Variants in STARD13 observed in about 807,000 individuals in gnomAD.
The protein encoded by STARD13 is stAR-related lipid transfer protein 13.
Under a neutral mutation model 106.4 loss-of-function variants are expected in STARD13, and 62 were observed. The observed-to-expected ratio is 0.58, with a 90% CI of 0.48 to 0.72. The LOEUF is 0.72. STARD13 is among the 30% of genes least tolerant of loss of function. The pLI is 0.00. For missense variants in STARD13, 1,387 were observed against 1,424.0 expected (o/e 0.97, Z 0.42); for synonymous variants, 565 against 553.0 (o/e 1.02, Z -0.31).
the STARD13 span, among the ~76,000 whole-genome samples, chr13:33,544,012 A>G: frequency 0.015 from 2,214 of 152,352 alleles, 46 homozygotes; most frequent in African/African-American, 0.049. Context: ...TAAAGCAACC[A>G]GTTCATAGAA....
intron 1 of STARD13, among the ~76,000 whole-genome samples, chr13:33,215,931 T>C (rs1486118604): frequency 6.6e-6 from 1 of 152,084 alleles, no homozygotes; most frequent in Non-Finnish European, 1.5e-5. Flanking sequence ...CAAAAGAAGA[T>C]ATACAAATGG....
At chr13:33,193,588 G>A (rs111810246) in intron 1 of STARD13, among the ~76,000 whole-genome samples, 2 of 152,136 alleles carry the variant, frequency 1.3e-5, no homozygotes, top group African/African-American at 2.4e-5. Context: ...CAAACCAGTC[G>A]GAAAGCGTGA....
At chr13:33,395,204 TTC>T in the STARD13 span, among the ~76,000 whole-genome samples, 1 of 152,192 alleles carries the variant, frequency 6.6e-6, no homozygotes, top group Non-Finnish European at 1.5e-5. Context: ...TACCTTATAG[TTC>T]AAAGTAAGGA....
At chr13:33,499,609 T>TC in the STARD13 span, among the ~76,000 whole-genome samples, 138 of 74,348 alleles carry the variant, frequency 1.9e-3, 1 homozygote, top group Non-Finnish European at 2.4e-3. Flanking sequence ...TCTTCTTTCT[T>TC]CTTCTTCTTC....
At chr13:33,294,645 A>G (rs983667878) in intron 1 of STARD13, among the ~76,000 whole-genome samples, 1 of 152,202 alleles carries the variant, frequency 6.6e-6, no homozygotes, top group Non-Finnish European at 1.5e-5. Flanking sequence ...TTTGTCCTCA[A>G]TGAAAATAAA....
At chr13:33,666,560 G>T in the STARD13 span, among the ~76,000 whole-genome samples, 3 of 152,080 alleles carry the variant, frequency 2.0e-5, no homozygotes, top group African/African-American at 7.2e-5. Context: ...CTCCCAAAGT[G>T]CTGGGATCAC....
At chr13:33,288,873 T>C (rs1288669320), upstream of STARD13, among the ~76,000 whole-genome samples, 1 of 152,256 alleles carries the variant, frequency 6.6e-6, no homozygotes, top group Non-Finnish European at 1.5e-5. Context: ...CATTAGCATG[T>C]CATTAGTACC....
chr13:33,338,067 A>G (rs868515766), intron 1 of STARD13, among the ~76,000 whole-genome samples: 5 of 152,198 alleles, frequency 3.3e-5, no homozygotes, highest in East Asian at 1.9e-4. Context: ...CCCTTCTTCA[A>G]TTCTGGTAGA....
At chr13:33,624,360 G>A in the STARD13 span, among the ~76,000 whole-genome samples, 1 of 152,216 alleles carries the variant, frequency 6.6e-6, no homozygotes, top group African/African-American at 2.4e-5. Context: ...GGTGATCTTG[G>A]ACACTTGTGG....
upstream of STARD13, among the ~76,000 whole-genome samples, chr13:33,354,049 A>G (rs2078104271): frequency 6.6e-6 from 1 of 152,060 alleles, no homozygotes; most frequent in Non-Finnish European, 1.5e-5. Flanking sequence ...CTGCTCTTTC[A>G]TCTCTATTTC....
upstream of STARD13, among the ~76,000 whole-genome samples, chr13:33,353,397 T>C (rs1420817207): frequency 1.3e-5 from 2 of 152,220 alleles, no homozygotes; most frequent in East Asian, 1.9e-4. Context: ...TTGGACACTG[T>C]AGCCCATTTC....
At chr13:33,552,397 A>C in the STARD13 span, among the ~76,000 whole-genome samples, 2 of 152,196 alleles carry the variant, frequency 1.3e-5, no homozygotes, top group African/African-American at 4.8e-5. Flanking sequence ...CATAAAACAC[A>C]TCTGAATAGA....
At chr13:33,491,723 C>T in the STARD13 span, among the ~76,000 whole-genome samples, 3 of 152,308 alleles carry the variant, frequency 2.0e-5, no homozygotes, top group East Asian at 5.8e-4. Flanking sequence ...TAATCTGTTT[C>T]TCCATTAAAC....
the STARD13 span, among the ~76,000 whole-genome samples, chr13:33,475,999 T>A: frequency 6.6e-6 from 1 of 151,412 alleles, no homozygotes; most frequent in Non-Finnish European, 1.5e-5. Flanking sequence ...TAGATGAGAG[T>A]AGAAATGTTT....
At chr13:33,264,164 G>C (rs1566106288) in intron 1 of STARD13, among the ~76,000 whole-genome samples, 1 of 152,190 alleles carries the variant, frequency 6.6e-6, no homozygotes, top group Non-Finnish European at 1.5e-5. Context: ...TGTTCCTGGA[G>C]CCCAGTCACT....
the STARD13 span, among the ~76,000 whole-genome samples, chr13:33,381,464 G>A: frequency 3.3e-3 from 507 of 152,272 alleles, 1 homozygote; most frequent in African/African-American, 0.012. Context: ...CCTTGGCTGG[G>A]CACGGTAGCT....
intron 1 of STARD13, among the ~76,000 whole-genome samples, chr13:33,302,244 A>C (rs1319167426): frequency 6.6e-6 from 1 of 152,114 alleles, no homozygotes; most frequent in African/African-American, 2.4e-5. Flanking sequence ...ACTGACAATA[A>C]TATTTGTTAA....
the STARD13 span, among the ~76,000 whole-genome samples, chr13:33,564,880 C>G: frequency 1.4e-5 from 2 of 144,422 alleles, no homozygotes; most frequent in East Asian, 4.2e-4. Context: ...ATGGTCCCAG[C>G]TACTCGGGAG....
chr13:33,155,920 C>T (rs1347673094), intron 3 of STARD13, among the ~76,000 whole-genome samples: 1 of 152,198 alleles, frequency 6.6e-6, no homozygotes, highest in Admixed American at 6.5e-5. Context: ...AGCAGCCATC[C>T]TGCTTTAGGC....
Sources: allele counts gnomAD v4.1 joint callset (sites outside exome capture counted in the v4.1 genomes callset), GRCh38; gene constraint gnomAD v4.1.1; transcripts MANE v1.5; gene names NCBI Gene and HGNC (gene_info 2026-07-23, HGNC 2026-07-21).